The following DST variants were observed in gnomAD, a reference collection of about 807,000 sequenced individuals.
DST encodes dystonin, also known as bullous pemphigoid antigen.
A neutral mutation model predicts 875.2 loss-of-function variants in DST; 253 were observed. The ratio of observed to expected loss-of-function variants is 0.29; its 90% CI spans 0.26 to 0.32. The LOEUF is 0.32. Among genes scored for constraint, DST ranks in the 10% least tolerant of loss-of-function variants. The pLI, the probability that DST is intolerant of heterozygous loss-of-function variation, is 1.00. For missense variants in DST, 8,287 were observed against 9,111.6 expected (o/e 0.91, Z 3.68); for synonymous variants, 3,124 against 3,197.1 (o/e 0.98, Z 0.77).
intron 69 of DST, among the ~76,000 whole-genome samples, chr6:56,524,822 G>T (rs182302033): frequency 6.6e-6 from 1 of 151,920 alleles, no homozygotes; most frequent in Non-Finnish European, 1.5e-5. Flanking sequence ...ACGAAGACTG[G>T]AAGGATACAG....
chr6:56,664,982 A>G (rs1315322979), intron 10 of DST, among the ~76,000 whole-genome samples: 1 of 152,210 alleles, frequency 6.6e-6, no homozygotes, highest in Non-Finnish European at 1.5e-5. Context: ...AATAGAAGCT[A>G]TAGAACTATC....
Position 56,482,054 on chromosome 6 carries a change from T to C in DST, c.21527A>G (p.His7176Arg), listed in dbSNP as rs768443086. The change falls in exon 90 of 104, where the codon CAT (histidine) becomes CGT (arginine). Residue 7176 changes from histidine (H) to arginine (R), a missense_variant. Coordinates refer to ENST00000680361, the MANE Select transcript of DST (RefSeq NM_001374736.1). ...EDALRTLIDQ[H>R]KEFMKKLEEK... ...TAGCATTTATATATTACTCACTTTA[T>C]GCTGATCAATGAGAGTCCGGAGAGC... The C allele has an allele frequency of 6.2e-7, 1 of 1,613,638 alleles. No homozygotes were observed. Among genetic ancestry groups the C allele is most frequent in the East Asian group, 2.2e-5 (1 of 44,866 alleles).
At chr6:56,609,644 A>G (rs1168531331) in intron 39 of DST, among the ~76,000 whole-genome samples, 1 of 152,176 alleles carries the variant, frequency 6.6e-6, no homozygotes, top group Non-Finnish European at 1.5e-5. Context: ...GTAGATGATG[A>G]TAGTGAGAAA....
chr6:56,750,892 A>G (rs899946001), intron 4 of DST, among the ~76,000 whole-genome samples: 3 of 152,080 alleles, frequency 2.0e-5, no homozygotes, highest in Admixed American at 6.5e-5. Flanking sequence ...TCTATAAGCC[A>G]ATGTCTCATA....
intron 36 of DST, chr6:56,619,810 A>G (rs755453612): frequency 1.1e-5 from 17 of 1,614,012 alleles, no homozygotes; most frequent in Non-Finnish European, 1.3e-5. Flanking sequence ...CATCTAGTTT[A>G]TCTTTTAGCA....
chr6:56,903,758 A>ACTT (rs1795150533), intron 2 of DST, among the ~76,000 whole-genome samples: 2 of 152,162 alleles, frequency 1.3e-5, no homozygotes, highest in Non-Finnish European at 2.9e-5. Context: ...GCATGCGGCC[A>ACTT]AAAATTCTAA....
At chr6:56,789,765 T>C (rs1339223965) in intron 4 of DST, among the ~76,000 whole-genome samples, 1 of 152,210 alleles carries the variant, frequency 6.6e-6, no homozygotes, top group African/African-American at 2.4e-5. Flanking sequence ...ATCCACACTT[T>C]AGCATGTGTC....
intron 4 of DST, among the ~76,000 whole-genome samples, chr6:56,825,758 A>G (rs999457600): frequency 6.6e-6 from 1 of 152,212 alleles, no homozygotes; most frequent in Non-Finnish European, 1.5e-5. Context: ...GATAATTAAA[A>G]CTGTGAAACA....
At chr6:56,921,981 A>G (rs981652905) in intron 2 of DST, among the ~76,000 whole-genome samples, 1 of 152,168 alleles carries the variant, frequency 6.6e-6, no homozygotes. Context: ...CTGAATTATT[A>G]TTATATTGCT....
At chr6:56,916,447 G>A (rs1378756618) in intron 2 of DST, among the ~76,000 whole-genome samples, 1 of 152,028 alleles carries the variant, frequency 6.6e-6, no homozygotes, top group Non-Finnish European at 1.5e-5. Context: ...GCCAGTGCCC[G>A]AACTTAACAA....
chr6:56,825,802 G>A lies in DST; in HGVS notation c.625+25595C>T, dbSNP rs116291540. Among the ~76,000 whole-genome samples the A allele has an allele frequency of 3.0e-3, 460 of 152,278 alleles. 3 individuals carry two copies. The highest frequency in any genetic ancestry group is 0.011 in the African/African-American group (440 of 41,536). ...GGTACAGAACACACTGGGCTCACCA[G>A]GTAAAGGGTTTAAGAAAGTGGCTCT... On this transcript the variant is annotated intron_variant, in intron 4 of 103. Coordinates refer to ENST00000680361, the MANE Select transcript of DST (RefSeq NM_001374736.1).
chr6:56,627,120 G>T, intron 34 of DST, 84 bp downstream of exon 34: 1 of 1,020,326 alleles, frequency 9.8e-7, no homozygotes, highest in Non-Finnish European at 1.5e-6. Context: ...AACACTGAGT[G>T]AAATGACTTG....
chr6:56,824,948 C>T (rs901718428), intron 4 of DST, among the ~76,000 whole-genome samples: 5 of 152,274 alleles, frequency 3.3e-5, no homozygotes, highest in African/African-American at 1.2e-4. Context: ...GCCGCCCCTA[C>T]TGGGAAGTGA....
At chr6:56,618,910 C>G (rs1586813323) in intron 36 of DST, 1 of 1,614,108 alleles carries the variant, frequency 6.2e-7, no homozygotes, top group Non-Finnish European at 8.5e-7. Context: ...ACTCTTGCAC[C>G]TGAGCTTGTT....
chr6:56,479,304 G>C (rs1486737944), intron 90 of DST, among the ~76,000 whole-genome samples: 1 of 152,142 alleles, frequency 6.6e-6, no homozygotes, highest in Non-Finnish European at 1.5e-5. Context: ...TGAGAAAAGG[G>C]CGTGCTTATA....
intron 9 of DST, among the ~76,000 whole-genome samples, chr6:56,686,069 A>T (rs2099184539): frequency 6.6e-6 from 1 of 152,238 alleles, no homozygotes; most frequent in East Asian, 1.9e-4. Context: ...TGGACTGGAT[A>T]AAGAAAATGT....
At chr6:56,588,277 C>G (rs1389652246) in intron 49 of DST, among the ~76,000 whole-genome samples, 1 of 152,168 alleles carries the variant, frequency 6.6e-6, no homozygotes, top group East Asian at 1.9e-4. Flanking sequence ...TCTAACACAG[C>G]TATTTCTTAG....
chr6:56,707,072 C>A (rs1025921822), intron 5 of DST, among the ~76,000 whole-genome samples: 6 of 152,178 alleles, frequency 3.9e-5, no homozygotes, highest in Non-Finnish European at 8.8e-5. Context: ...ACTGATCTGA[C>A]AGGAGGCAGA....
chr6:56,698,884 T>G (rs970175151), intron 9 of DST, among the ~76,000 whole-genome samples: 1 of 152,196 alleles, frequency 6.6e-6, no homozygotes, highest in African/African-American at 2.4e-5. Flanking sequence ...TGTTGAGGTT[T>G]GGGGTACAGA....
Sources: gnomAD v4.1 joint callset for allele counts (sites outside exome capture counted in the v4.1 genomes callset) on GRCh38, gnomAD v4.1.1 for gene constraint, MANE v1.5 for transcripts, NCBI Gene and HGNC (gene_info 2026-07-23, HGNC 2026-07-21) for gene names.